The following CDH13 variants were observed in gnomAD, a reference collection of about 807,000 sequenced individuals.
The protein encoded by CDH13 is cadherin-13.
Under a neutral mutation model 63.8 loss-of-function variants are expected in CDH13, and 24 were observed. The observed-to-expected ratio is 0.38, with a 90% CI of 0.27 to 0.53. The LOEUF is 0.53. Among genes scored for constraint, CDH13 ranks in the 20% least tolerant of loss-of-function variants. The pLI is 0.85. For missense variants in CDH13, 1,049 were observed against 903.1 expected (o/e 1.16, Z -2.07); for synonymous variants, 503 against 355.3 (o/e 1.42, Z -4.67).
At chr16:82,975,657 C>T (rs955967543) in intron 2 of CDH13, among the ~76,000 whole-genome samples, 5 of 152,116 alleles carry the variant, frequency 3.3e-5, no homozygotes, top group Non-Finnish European at 5.9e-5. Context: ...TTCTTACATT[C>T]CTCAACTCCA....
chr16:82,879,699 CA>C (rs1182211798), intron 2 of CDH13, among the ~76,000 whole-genome samples: 3 of 134,724 alleles, frequency 2.2e-5, no homozygotes, highest in Non-Finnish European at 4.6e-5. Context: ...ATAATATAAC[CA>C]GTATGTTTCA....
At position 83,465,198 on chromosome 16, in the gene CDH13, A is replaced by G. The variant is rs1029929677; in HGVS notation, c.782-21279A>G. ...GGTGATAAGTTGCAAGAGTAAAAAT[A>G]AAGATGGGATAACAGGAGCTGACAG... On this transcript the variant is annotated intron_variant, in intron 6 of 13. Coordinates refer to ENST00000567109, the MANE Select transcript of CDH13 (RefSeq NM_001257.5). 3.9e-5 allele frequency among the ~76,000 whole-genome samples: 6 copies of G among 152,226 alleles called. No homozygotes were observed. In the South Asian group the frequency reaches 1.0e-3, roughly 26 times the overall value.
intron 6 of CDH13, among the ~76,000 whole-genome samples, chr16:83,378,684 G>A (rs891487601): frequency 1.3e-5 from 2 of 152,060 alleles, no homozygotes; most frequent in Admixed American, 6.5e-5. Flanking sequence ...ATACTTGACT[G>A]CTCTGAGCCT....
At chr16:83,623,876 G>C (rs764462336) in intron 8 of CDH13, among the ~76,000 whole-genome samples, 1 of 152,192 alleles carries the variant, frequency 6.6e-6, no homozygotes, top group Non-Finnish European at 1.5e-5. Context: ...TAAGACTAGA[G>C]GCTCACCCTT....
At chr16:83,239,335 C>T (rs182573840) in intron 5 of CDH13, among the ~76,000 whole-genome samples, 180 of 152,196 alleles carry the variant, frequency 1.2e-3, no homozygotes, top group African/African-American at 4.0e-3. Context: ...GTCAAGGGTG[C>T]GTGAGGAGAG....
chr16:82,978,443 C>G (rs1269034213), intron 2 of CDH13, among the ~76,000 whole-genome samples: 1 of 152,180 alleles, frequency 6.6e-6, no homozygotes, highest in Non-Finnish European at 1.5e-5. Context: ...GCCTGGAGGC[C>G]TTGGAGGAAA....
At chr16:83,787,415 G>T (rs998023117) in intron 13 of CDH13, among the ~76,000 whole-genome samples, 2 of 152,218 alleles carry the variant, frequency 1.3e-5, no homozygotes, top group Admixed American at 6.5e-5. Context: ...TCAGCCCACA[G>T]CGTTCCTTGG....
At chr16:83,189,009 C>T (rs1372779087) in intron 4 of CDH13, among the ~76,000 whole-genome samples, 1 of 152,296 alleles carries the variant, frequency 6.6e-6, no homozygotes, top group Middle Eastern at 3.4e-3. Flanking sequence ...GACATCTACT[C>T]ATCCTGCATT....
At chr16:82,977,295 G>T (rs1392283219) in intron 2 of CDH13, among the ~76,000 whole-genome samples, 2 of 152,148 alleles carry the variant, frequency 1.3e-5, no homozygotes, top group African/African-American at 2.4e-5. Flanking sequence ...GGGAGGCACA[G>T]TGAGGGCCAG....
At chr16:82,643,801 G>A (rs1909721912) in intron 1 of CDH13, among the ~76,000 whole-genome samples, 1 of 151,952 alleles carries the variant, frequency 6.6e-6, no homozygotes, top group African/African-American at 2.4e-5. Flanking sequence ...GGATTGCAGT[G>A]GTGCAATCAT....
chr16:83,685,763 C>G (rs975367783), intron 10 of CDH13, among the ~76,000 whole-genome samples: 16 of 152,194 alleles, frequency 1.1e-4, no homozygotes, highest in African/African-American at 3.6e-4. Flanking sequence ...GCTTCTTCCC[C>G]TGCACCATGC....
chr16:83,569,825 C>T (rs1413436526), intron 7 of CDH13, among the ~76,000 whole-genome samples: 1 of 152,196 alleles, frequency 6.6e-6, no homozygotes, highest in African/African-American at 2.4e-5. Flanking sequence ...CAACCTCTGC[C>T]TCCCGGGTTC....
At chr16:82,670,791 A>G (rs1317957512) in intron 1 of CDH13, among the ~76,000 whole-genome samples, 1 of 152,218 alleles carries the variant, frequency 6.6e-6, no homozygotes, top group African/African-American at 2.4e-5. Context: ...GTTGGAATTG[A>G]GCATAATGTT....
intron 2 of CDH13, among the ~76,000 whole-genome samples, chr16:82,998,736 G>C (rs1227524120): frequency 6.6e-6 from 1 of 152,064 alleles, no homozygotes; most frequent in Admixed American, 6.6e-5. Flanking sequence ...CATATCCTTA[G>C]AATAACATAT....
chr16:83,125,247 C>G (rs1260726883), intron 3 of CDH13, 138 bp from the exon 4 acceptor site: 4 of 605,548 alleles, frequency 6.6e-6, no homozygotes, highest in Admixed American at 5.6e-5. Flanking sequence ...CTTGGTAATG[C>G]TAATAGGGTT....
chr16:83,206,583 G>T (rs8063708), intron 4 of CDH13, among the ~76,000 whole-genome samples: 146,607 of 152,336 alleles, frequency 0.96, 70,644 homozygotes, highest in Non-Finnish European at 0.99. Flanking sequence ...AATGTTTGAG[G>T]AATCACTGTG....
At chr16:83,712,898 A>G (rs1908281199) in intron 10 of CDH13, among the ~76,000 whole-genome samples, 1 of 152,222 alleles carries the variant, frequency 6.6e-6, no homozygotes, top group Non-Finnish European at 1.5e-5. Flanking sequence ...CATCACCTGG[A>G]TTTTTATTAA....
At chr16:83,137,494 C>T (rs761076638) in intron 4 of CDH13, among the ~76,000 whole-genome samples, 6 of 152,110 alleles carry the variant, frequency 3.9e-5, no homozygotes, top group Non-Finnish European at 7.3e-5. Context: ...ACAAATAGAC[C>T]ACATGTTGAC....
intron 6 of CDH13, among the ~76,000 whole-genome samples, chr16:83,438,945 T>C (rs1005597613): frequency 6.6e-5 from 10 of 152,336 alleles, no homozygotes; most frequent in South Asian, 4.1e-4. Context: ...AGCACATTTA[T>C]CATGCATATC....
Sources: allele counts gnomAD v4.1 joint callset (sites outside exome capture counted in the v4.1 genomes callset), GRCh38; gene constraint gnomAD v4.1.1; transcripts MANE v1.5; gene names NCBI Gene and HGNC (gene_info 2026-07-23, HGNC 2026-07-21).